The following IMMP2L variants were observed in gnomAD, a reference collection of about 807,000 sequenced individuals.
IMMP2L encodes inner mitochondrial membrane peptidase subunit 2.
A neutral mutation model predicts 19.3 loss-of-function variants in IMMP2L; 18 were observed. The ratio of observed to expected loss-of-function variants is 0.93; its 90% CI spans 0.64 to 1.38. The LOEUF (loss-of-function observed/expected upper bound fraction) is 1.38, where lower values mean the gene tolerates loss of function less well. IMMP2L is among the 40% of genes most tolerant of loss of function. IMMP2L has a pLI of 0.00. For missense variants in IMMP2L, 233 were observed against 218.2 expected (o/e 1.07, Z -0.43); for synonymous variants, 76 against 73.0 (o/e 1.04, Z -0.21).
intron 3 of IMMP2L, among the ~76,000 whole-genome samples, chr7:111,209,811 G>A (rs1417878778): frequency 6.6e-6 from 1 of 151,998 alleles, no homozygotes; most frequent in Non-Finnish European, 1.5e-5. Context: ...AAAGAGGTGG[G>A]CAGGACACTT....
intron 4 of IMMP2L, among the ~76,000 whole-genome samples, chr7:110,958,843 CA>C (rs1252539217): frequency 6.6e-6 from 1 of 151,952 alleles, no homozygotes; most frequent in Admixed American, 6.6e-5. Context: ...GGCAGTGGGG[CA>C]AAAGCCAATC....
intron 5 of IMMP2L, among the ~76,000 whole-genome samples, chr7:110,744,786 G>A (rs35269709): frequency 0.3 from 46,270 of 152,092 alleles, 8,521 homozygotes; most frequent in East Asian, 0.68. Context: ...ATCCATGAAG[G>A]TGGGGAGAAA....
At chr7:111,479,595 T>C (rs569511545) in intron 3 of IMMP2L, among the ~76,000 whole-genome samples, 38 of 152,274 alleles carry the variant, frequency 2.5e-4, no homozygotes, top group African/African-American at 8.7e-4. Context: ...GTAATTATTA[T>C]GTAAACTTAC....
chr7:111,513,848 A>G (rs1408119554), intron 2 of IMMP2L, among the ~76,000 whole-genome samples: 1 of 152,092 alleles, frequency 6.6e-6, no homozygotes, highest in Non-Finnish European at 1.5e-5. Context: ...AATATTATTC[A>G]GCTTTTAAAA....
chr7:111,283,791 G>A (rs989149352), intron 3 of IMMP2L, among the ~76,000 whole-genome samples: 2 of 151,434 alleles, frequency 1.3e-5, no homozygotes, highest in African/African-American at 2.4e-5. Flanking sequence ...CTAAAACGGT[G>A]AAACCCCGTC....
chr7:111,361,724 A>T (rs1307472734), intron 3 of IMMP2L, among the ~76,000 whole-genome samples: 1 of 152,134 alleles, frequency 6.6e-6, no homozygotes, highest in Non-Finnish European at 1.5e-5. Context: ...CTCATCTTTG[A>T]TAACAGAAGT....
chr7:111,115,519 C>A lies in IMMP2L; in HGVS notation c.240-151954G>T, dbSNP rs576428225. Among the ~76,000 whole-genome samples, 16 of 152,094 alleles carry A rather than the reference C, an allele frequency of 1.1e-4. No individual in the cohort carries two copies. The East Asian group carries it at 1.4e-3, about 13-fold the overall frequency. ...GCCTGTGATTAAGATTTCATCCCCC[C>A]CTCTGTAAAAGAAAATTATAAAGAG... On this transcript the variant is annotated intron_variant, in intron 3 of 5. Coordinates refer to ENST00000405709, the MANE Select transcript of IMMP2L (RefSeq NM_032549.4).
intron 3 of IMMP2L, among the ~76,000 whole-genome samples, chr7:111,071,607 T>G (rs1794957287): frequency 6.6e-6 from 1 of 152,130 alleles, no homozygotes; most frequent in Non-Finnish European, 1.5e-5. Context: ...TCAAAAACAT[T>G]ATACTAAGTG....
intron 5 of IMMP2L, among the ~76,000 whole-genome samples, chr7:110,784,077 C>T (rs1298668637): frequency 6.6e-6 from 1 of 151,884 alleles, no homozygotes; most frequent in Non-Finnish European, 1.5e-5. Flanking sequence ...AAGAATTACT[C>T]TCCAATTTGC....
intron 5 of IMMP2L, among the ~76,000 whole-genome samples, chr7:110,689,568 A>G (rs1360546144): frequency 1.3e-5 from 2 of 151,996 alleles, no homozygotes; most frequent in African/African-American, 4.8e-5. Context: ...CTTTATTTTC[A>G]TAGTTACCTC....
intron 3 of IMMP2L, among the ~76,000 whole-genome samples, chr7:111,273,204 G>A (rs962387612): frequency 1.3e-5 from 2 of 151,972 alleles, no homozygotes; most frequent in African/African-American, 4.8e-5. Flanking sequence ...TTGTACCCAG[G>A]AGGCGGAGGT....
At chr7:111,445,959 A>T (rs2131844563) in intron 3 of IMMP2L, among the ~76,000 whole-genome samples, 1 of 152,222 alleles carries the variant, frequency 6.6e-6, no homozygotes, top group East Asian at 1.9e-4. Flanking sequence ...CGCACCTGGA[A>T]AATCGGGTCA....
chr7:110,905,231 A>G (rs889874080), intron 4 of IMMP2L, among the ~76,000 whole-genome samples: 2 of 152,188 alleles, frequency 1.3e-5, no homozygotes, highest in African/African-American at 4.8e-5. Flanking sequence ...TTCCCTTGTC[A>G]TATGACTTCC....
intron 5 of IMMP2L, among the ~76,000 whole-genome samples, chr7:110,823,870 CAG>C (rs564201534): frequency 2.8e-4 from 43 of 152,162 alleles, no homozygotes; most frequent in African/African-American, 9.6e-4. Context: ...TAATTAATAA[CAG>C]TATCAAAGAA....
chr7:110,988,056 A>T (rs2129559089), intron 3 of IMMP2L, among the ~76,000 whole-genome samples: 1 of 152,364 alleles, frequency 6.6e-6, no homozygotes, highest in African/African-American at 2.4e-5. Flanking sequence ...AGAACAAAGT[A>T]GAGCCTTAAT....
intron 3 of IMMP2L, among the ~76,000 whole-genome samples, chr7:111,453,091 T>A (rs1839364461): frequency 6.6e-6 from 1 of 152,156 alleles, no homozygotes; most frequent in African/African-American, 2.4e-5. Flanking sequence ...TAATTGCATG[T>A]GATTTTTCTA....
chr7:111,216,189 C>T lies in IMMP2L; in HGVS notation c.240-252624G>A, dbSNP rs141633993. ...ATCACCAATTTTGTCATCTCACTTTCCTTTGAGGAGGTCCCAAGTAGATAT... is the reference window on the plus strand; with the variant it reads ...ATCACCAATTTTGTCATCTCACTTTTCTTTGAGGAGGTCCCAAGTAGATAT... On this transcript the variant is annotated intron_variant, in intron 3 of 5. Coordinates refer to ENST00000405709, the MANE Select transcript of IMMP2L (RefSeq NM_032549.4). Among the ~76,000 whole-genome samples the T allele has an allele frequency of 6.4e-3, 974 of 152,200 alleles. 5 individuals are homozygous for T. The highest frequency in any genetic ancestry group is 0.01 in the Middle Eastern group (3 of 294).
chr7:110,911,833 T>A (rs1211120456), intron 4 of IMMP2L, among the ~76,000 whole-genome samples: 1 of 152,132 alleles, frequency 6.6e-6, no homozygotes, highest in East Asian at 1.9e-4. Flanking sequence ...ATTCAAGATT[T>A]CCTGGAAAAT....
At chr7:111,507,942 G>A (rs1459999403) in intron 2 of IMMP2L, among the ~76,000 whole-genome samples, 1 of 152,188 alleles carries the variant, frequency 6.6e-6, no homozygotes, top group Non-Finnish European at 1.5e-5. Context: ...GCTCCTACTT[G>A]AGCAGTATTT....
Sources: gnomAD v4.1 joint callset for allele counts (sites outside exome capture counted in the v4.1 genomes callset) on GRCh38, gnomAD v4.1.1 for gene constraint, MANE v1.5 for transcripts, NCBI Gene and HGNC (gene_info 2026-07-23, HGNC 2026-07-21) for gene names.